GATA6: variants seen among roughly 807,000 people sequenced by gnomAD.
The protein encoded by GATA6 is transcription factor GATA-6.
In GATA6, 11 loss-of-function variants were observed where a neutral mutation model predicts 48.1. The ratio of observed to expected loss-of-function variants is 0.23; its 90% CI spans 0.14 to 0.38. The LOEUF is 0.38. GATA6 is among the 10% of genes least tolerant of loss of function. The pLI is 1.00. For synonymous variants in GATA6, 419 were observed against 396.1 expected (o/e 1.06, Z -0.69); for missense variants, 795 against 850.3 (o/e 0.93, Z 0.81).
intron 6 of GATA6, among the ~76,000 whole-genome samples, chr18:22,197,293 C>T (rs572821146): frequency 9.9e-5 from 15 of 152,248 alleles, no homozygotes; most frequent in East Asian, 7.8e-4. Context: ...TAAGGTGATC[C>T]ACCTGCCTCG....
intron 6 of GATA6, among the ~76,000 whole-genome samples, chr18:22,200,391 G>A (rs538093814): frequency 1.3e-5 from 2 of 152,168 alleles, no homozygotes; most frequent in Non-Finnish European, 2.9e-5. Flanking sequence ...CTTGCCAGTG[G>A]CTCCTGCCCT....
chr18:22,185,393 C>G lies in GATA6; in HGVS notation c.1620+2350C>G, dbSNP rs1230486002. On this transcript the variant is annotated intron_variant, in intron 6 of 6. Coordinates refer to ENST00000269216, the MANE Select transcript of GATA6 (RefSeq NM_005257.6). This position sits in a 1 kb window ranked among gnomAD's most constrained non-coding sequence, Gnocchi z 4.3. ...TGCAAGCTTCCATCCCTGCGGTAGT[C>G]TAGGCAGCCTCCACGGGGACTGAGA... 6.6e-6 allele frequency among the ~76,000 whole-genome samples: 1 copy of G among 152,236 alleles called. No individual in the cohort carries two copies. The highest frequency in any genetic ancestry group is 1.5e-5 in the Non-Finnish European group (1 of 68,042).
At chr18:22,197,212 C>T (rs968677996) in intron 6 of GATA6, among the ~76,000 whole-genome samples, 3 of 151,662 alleles carry the variant, frequency 2.0e-5, no homozygotes, top group South Asian at 2.1e-4. Flanking sequence ...CCACCTTGCT[C>T]GGCTAATTTT....
chr18:22,178,504 T>A (rs2033155073), intron 3 of GATA6, among the ~76,000 whole-genome samples: 1 of 152,254 alleles, frequency 6.6e-6, no homozygotes, highest in African/African-American at 2.4e-5. Context: ...CAGTAATTTA[T>A]TTGTTATACT....
At chr18:22,188,108 A>G (rs57583764) in intron 6 of GATA6, among the ~76,000 whole-genome samples, 11,913 of 152,128 alleles carry the variant, frequency 0.078, 1,169 homozygotes, top group African/African-American at 0.23. Flanking sequence ...AAAAAAGTAA[A>G]CCCTATTTAA....
chr18:22,172,111 T>TACCACCACC lies in GATA6; in HGVS notation c.990_998dup (p.His331_His333dup). 1.4e-6 allele frequency: 2 copies of TACCACCACC among 1,463,664 alleles called. No homozygotes were observed. Among genetic ancestry groups the TACCACCACC allele is most frequent in the Non-Finnish European group, 1.8e-6 (2 of 1,104,528 alleles). 90.7% of individuals were successfully genotyped at this position (1,463,664 alleles called of 1,614,324 possible). ...GGCCGCGCGGCCGCTGAACGGGACG[T>TACCACCACC]ACCACCACCACCACCACCACCACCA... On this transcript the variant is annotated inframe_insertion, in exon 2 of 7. Transcript: ENST00000269216. This position sits in a 1 kb window ranked among gnomAD's most constrained non-coding sequence, Gnocchi z 5.2.
rs971765110 is a variant in GATA6 at position 22,202,228 on chromosome 18, A to G, written c.*1405A>G. On this transcript the variant is annotated 3_prime_UTR_variant, in exon 7 of 7. Coordinates refer to ENST00000269216, the MANE Select transcript of GATA6 (RefSeq NM_005257.6). ...TAAGTGGGAAGGACTCAGTATTATT[A>G]TATTTGAGATGATAAGCATTTTGTT... is the stretch of plus-strand genomic sequence containing the variant. 1 of 152,172 alleles carries G rather than the reference A, an allele frequency of 6.6e-6. No homozygotes were observed. The highest frequency in any genetic ancestry group is 2.4e-5 in the African/African-American group (1 of 41,438). 9.4% of individuals were successfully genotyped at this position (152,172 alleles called of 1,614,324 possible). A position where few individuals can be genotyped will look rare whatever the true frequency, so the allele number is the denominator to read the frequency against.
At position 22,183,030 on chromosome 18, in the gene GATA6, C is replaced by T; in HGVS notation, c.1607C>T (p.Pro536Leu). ...CSKNTSPTTQPTASGAGAPVM... is the reference protein window; with the variant it reads ...CSKNTSPTTQLTASGAGAPVM... Reference sequence around the variant, plus strand: ...AAAAATACTTCCCCCACAACACAACCTACAGCCTCAGGGGTAAGTATTAAA... The same window carrying T: ...AAAAATACTTCCCCCACAACACAACTTACAGCCTCAGGGGTAAGTATTAAA... Residue 536 changes from proline to leucine, a missense_variant, in exon 6 of 7, where the codon CCT becomes CTT. Physicochemically the swap from Pro to Leu is moderately conservative, Grantham distance 98. Coordinates refer to ENST00000269216, the MANE Select transcript of GATA6 (RefSeq NM_005257.6). 1 of 1,612,432 alleles carries T rather than the reference C, an allele frequency of 6.2e-7. No homozygotes were observed. The highest frequency in any genetic ancestry group is 8.5e-7 in the Non-Finnish European group (1 of 1,178,446).
At chr18:22,182,715 CAATAT>C in intron 4 of GATA6, 37 bp from the exon 5 acceptor site, 1 of 1,404,598 alleles carries the variant, frequency 7.1e-7, no homozygotes, top group South Asian at 1.2e-5. Flanking sequence ...GGTTTTTCTT[CAATAT>C]AATATTAAAT....
chr18:22,170,848 C>A lies in GATA6; in HGVS notation c.-37-260C>A. ...GGGGTGGGCGGGGAGGACGCGGGGACCGGAGCGGTGCCTTTGAGGGAGGGC... is the reference window on the plus strand; with the variant it reads ...GGGGTGGGCGGGGAGGACGCGGGGAACGGAGCGGTGCCTTTGAGGGAGGGC... On this transcript the variant is annotated intron_variant, in intron 1 of 6. Transcript: ENST00000269216. The surrounding 1 kb of genome is among the most constrained non-coding windows in gnomAD (Gnocchi z 6.7). 2.0e-6 allele frequency: 1 copy of A among 498,696 alleles called. No individual in the cohort carries two copies. Among genetic ancestry groups the A allele is most frequent in the Non-Finnish European group, 3.6e-6 (1 of 279,756 alleles). 30.9% of individuals were successfully genotyped at this position (498,696 alleles called of 1,614,324 possible). A position where few individuals can be genotyped will look rare whatever the true frequency, so the allele number is the denominator to read the frequency against.
Position 22,172,349 on chromosome 18 carries a change from T to C in GATA6, c.1135+70T>C. ...GGGCGCACGGGGGACGTGGAGCAGC[T>C]GCTCCACTCGGGCCCTGTTTTCAGG... On this transcript the variant is annotated intron_variant, in intron 2 of 6. Transcript: ENST00000269216. The surrounding 1 kb of genome is among the most constrained non-coding windows in gnomAD (Gnocchi z 5.2). 6.7e-7 allele frequency: 1 copy of C among 1,503,078 alleles called. No individual in the cohort carries two copies. Among genetic ancestry groups the C allele is most frequent in the South Asian group, 1.2e-5 (1 of 81,612 alleles). 93.1% of individuals were successfully genotyped at this position (1,503,078 alleles called of 1,614,324 possible). A position where few individuals can be genotyped will look rare whatever the true frequency, so the allele number is the denominator to read the frequency against.
At chr18:22,180,144 C>A (rs1287215832) in intron 3 of GATA6, 1 of 151,908 alleles carries the variant, frequency 6.6e-6, no homozygotes, top group Non-Finnish European at 1.5e-5. Flanking sequence ...ATTTGGGTGT[C>A]ATTCTTGCGC....
intron 2 of GATA6, among the ~76,000 whole-genome samples, chr18:22,174,864 C>T (rs1055579995): frequency 1.3e-5 from 2 of 152,094 alleles, no homozygotes; most frequent in African/African-American, 4.8e-5. Flanking sequence ...CTCTCGCTGA[C>T]TGGGTAGATG....
intron 6 of GATA6, among the ~76,000 whole-genome samples, chr18:22,195,616 C>T (rs558585471): frequency 6.6e-6 from 1 of 152,264 alleles, no homozygotes; most frequent in Admixed American, 6.5e-5. Flanking sequence ...ATAGACTTGG[C>T]CCTCTCAGCT....
intron 3 of GATA6, among the ~76,000 whole-genome samples, chr18:22,178,038 C>T (rs140435328): frequency 0.015 from 2,250 of 148,904 alleles, 59 homozygotes; most frequent in East Asian, 0.043. Flanking sequence ...CTCGGCTCAC[C>T]GCAGCCTCCG....
At chr18:22,184,184 CA>C (rs1362955224) in intron 6 of GATA6, among the ~76,000 whole-genome samples, 1 of 152,110 alleles carries the variant, frequency 6.6e-6, no homozygotes, top group Non-Finnish European at 1.5e-5. Context: ...CTTTAACAAA[CA>C]AAAATTAAAT....
intron 6 of GATA6, among the ~76,000 whole-genome samples, chr18:22,186,969 T>C (rs2033269496): frequency 6.6e-6 from 1 of 152,220 alleles, no homozygotes; most frequent in Non-Finnish European, 1.5e-5. Context: ...TGTTTCTGTC[T>C]GAAATCAGGA....
chr18:22,182,909 A>T (rs754022225), intron 5 of GATA6, 31 bp from the exon 6 acceptor site: 5 of 1,601,280 alleles, frequency 3.1e-6, no homozygotes, highest in Non-Finnish European at 4.3e-6. Context: ...GAGCATATGT[A>T]TATTTATAAG....
At chr18:22,175,191 G>T (rs995222145) in intron 2 of GATA6, among the ~76,000 whole-genome samples, 1 of 152,270 alleles carries the variant, frequency 6.6e-6, no homozygotes, top group Admixed American at 6.5e-5. Flanking sequence ...TGCCTGGTGG[G>T]TTTGGGAAAG....
Sources: allele counts gnomAD v4.1 joint callset (sites outside exome capture counted in the v4.1 genomes callset), GRCh38; gene constraint gnomAD v4.1.1; non-coding constraint Gnocchi (gnomAD v3.1); transcripts MANE v1.5; gene names NCBI Gene and HGNC (gene_info 2026-07-23, HGNC 2026-07-21).